The following ELMO2 variants were observed in gnomAD, a reference collection of about 807,000 sequenced individuals.
ELMO2 encodes the protein engulfment and cell motility protein 2.
Under a neutral mutation model 96.2 loss-of-function variants are expected in ELMO2, and 37 were observed. That is an observed-to-expected ratio of 0.38 (90% confidence interval 0.30 to 0.51). ELMO2 has a LOEUF of 0.51. Ranked by LOEUF, ELMO2 falls within the 20% of genes least tolerant of loss-of-function variation. The probability of loss-of-function intolerance (pLI) is 0.88; values close to 1 mark genes in which losing one functional copy is unlikely to be tolerated. For synonymous variants in ELMO2, 315 were observed against 329.4 expected, an observed-to-expected ratio of 0.96 and a Z score of 0.47; for missense variants, 561 against 912.6, an observed-to-expected ratio of 0.61 and a Z score of 4.96.
chr20:46,388,592 C>CGTGT lies in ELMO2; in HGVS notation c.425+443_425+446dup, dbSNP rs3079791. 3.8e-3 allele frequency among the ~76,000 whole-genome samples: 568 copies of CGTGT among 148,116 alleles called. 7 individuals carry two copies. In the East Asian group the frequency reaches 0.056, roughly 15 times the overall value. ...CACCTGTGGTAAACACAAAGGAAGGCGTGTGTGTGTGTGTGTGTGTGTGTG... is the reference window on the plus strand; with the variant it reads ...CACCTGTGGTAAACACAAAGGAAGGCGTGTGTGTGTGTGTGTGTGTGTGTGTGTG... On this transcript the variant is annotated intron_variant, in intron 7 of 21. Transcript: ENST00000290246.
chr20:46,389,022 A>C lies in ELMO2; in HGVS notation c.425+17T>G. On this transcript the variant is annotated intron_variant, in intron 7 of 21. Transcript: ENST00000290246. ...AAATCGTCGAAGTCCTTGGAACGAGACCTTAGTCATACTCACTGGGACAAG... is the reference window on the plus strand; with the variant it reads ...AAATCGTCGAAGTCCTTGGAACGAGCCCTTAGTCATACTCACTGGGACAAG... 6.2e-7 allele frequency: 1 copy of C among 1,607,984 alleles called. No individual in the cohort carries two copies.
At chr20:46,387,501 G>C (rs1468613169) in intron 7 of ELMO2, 64 bp from the exon 8 acceptor site, 1 of 1,332,280 alleles carries the variant, frequency 7.5e-7, no homozygotes, top group Non-Finnish European at 1.1e-6. Context: ...ACAGGTGTGA[G>C]GGCAGCCACA....
chr20:46,370,347 G>A, intron 20 of ELMO2, 96 bp downstream of exon 20: 1 of 1,058,222 alleles, frequency 9.4e-7, no homozygotes, highest in Non-Finnish European at 1.5e-6. Context: ...GGAATAGAGA[G>A]GGGAAGATGC....
Position 46,375,189 on chromosome 20 carries a change from C to T in ELMO2, c.1065+47G>A, listed in dbSNP as rs760472877. ...CTGTCTGGGTGGGACCATTGACTTC[C>T]CATCAGGGGAGAGGGCCTACCACCG... is the stretch of plus-strand genomic sequence containing the variant. On this transcript the variant is annotated intron_variant, in intron 13 of 21. Coordinates refer to ENST00000290246, the MANE Select transcript of ELMO2 (RefSeq NM_133171.5). This position sits in a 1 kb window ranked among gnomAD's most constrained non-coding sequence, Gnocchi z 4.6. 40 of 1,590,962 alleles carry T rather than the reference C, an allele frequency of 2.5e-5. No individual in the cohort carries two copies. Among genetic ancestry groups the T allele is most frequent in the Non-Finnish European group, 3.0e-5 (35 of 1,169,184 alleles).
At chr20:46,386,313 G>A in intron 8 of ELMO2, 38 bp from the exon 9 acceptor site, 1 of 1,606,368 alleles carries the variant, frequency 6.2e-7, no homozygotes, top group South Asian at 1.1e-5. Flanking sequence ...AGAAGCTCAG[G>A]GCCCAAGAAA....
At chr20:46,381,914 G>A (rs2059963837) in intron 10 of ELMO2, among the ~76,000 whole-genome samples, 2 of 152,134 alleles carry the variant, frequency 1.3e-5, no homozygotes, top group Admixed American at 1.3e-4. Flanking sequence ...TCAAAGTTAC[G>A]AGCTGTTTCT....
rs1389918384 is a variant in ELMO2, at chr20:46,370,433, C to A, written c.1884+10G>T. 1 of 1,614,038 alleles carries A rather than the reference C, an allele frequency of 6.2e-7. No homozygotes were observed. ...CTGGGCCAGCTACTCAAACTGGCCT[C>A]TCTACTCACCTTGTTCTGTTTCAGA... On this transcript the variant is annotated intron_variant, in intron 20 of 21. Coordinates refer to ENST00000290246, the MANE Select transcript of ELMO2 (RefSeq NM_133171.5).
At chr20:46,398,537 T>G (rs2060285149) in intron 2 of ELMO2, among the ~76,000 whole-genome samples, 160 bp downstream of exon 2, 1 of 152,206 alleles carries the variant, frequency 6.6e-6, no homozygotes, top group Non-Finnish European at 1.5e-5. Context: ...GGTCTTGAAC[T>G]CCTGACCTCA....
At chr20:46,378,257 T>C (rs780268344) in intron 11 of ELMO2, among the ~76,000 whole-genome samples, 1 of 152,212 alleles carries the variant, frequency 6.6e-6, no homozygotes, top group Non-Finnish European at 1.5e-5. Flanking sequence ...GTTCTCTGGC[T>C]TGACTCAGTG....
intron 19 of ELMO2, among the ~76,000 whole-genome samples, chr20:46,370,971 T>G (rs2059690717): frequency 6.6e-6 from 1 of 152,224 alleles, no homozygotes; most frequent in African/African-American, 2.4e-5. Flanking sequence ...AGTGTGGCTA[T>G]TATTCCCACT....
chr20:46,398,261 T>G (rs1321411922), intron 2 of ELMO2, among the ~76,000 whole-genome samples: 3 of 152,210 alleles, frequency 2.0e-5, no homozygotes, highest in Non-Finnish European at 4.4e-5. Context: ...GGTAACTTCA[T>G]AGTAATCATA....
chr20:46,405,867 G>A (rs2060428737), intron 1 of ELMO2, among the ~76,000 whole-genome samples: 1 of 152,160 alleles, frequency 6.6e-6, no homozygotes, highest in African/African-American at 2.4e-5. Flanking sequence ...CTGGGCGGCA[G>A]AGCGAGACTC....
Position 46,371,891 on chromosome 20 carries a change from A to G in ELMO2, c.1495T>C (p.Leu499=), listed in dbSNP as rs1197124883. Residue 499 remains leucine (L), a synonymous_variant, in exon 17 of 22, where the codon TTG becomes CTG. Coordinates refer to ENST00000290246, the MANE Select transcript of ELMO2 (RefSeq NM_133171.5). This position sits in a 1 kb window ranked among gnomAD's most constrained non-coding sequence, Gnocchi z 5.9. ...ATCTCAGAGTAACTCAGGCTACGCA[A>G]TTTGCTCTTGAACTGATCCAAAGAG... ...PNSLDQFKSK[L]RSLSYSEILR... is the part of the protein sequence containing the mutation. 4 of 1,614,062 alleles carry G rather than the reference A, an allele frequency of 2.5e-6. No homozygotes were observed. Among genetic ancestry groups the G allele is most frequent in the Non-Finnish European group, 3.4e-6 (4 of 1,180,042 alleles).
At chr20:46,396,184 A>G (rs777681781) in intron 2 of ELMO2, among the ~76,000 whole-genome samples, 1 of 152,214 alleles carries the variant, frequency 6.6e-6, no homozygotes, top group Non-Finnish European at 1.5e-5. Flanking sequence ...AACTGGCCCT[A>G]TCTGCATAAT....
At chr20:46,372,606 G>A (rs991515864) in intron 16 of ELMO2, among the ~76,000 whole-genome samples, 1 of 152,192 alleles carries the variant, frequency 6.6e-6, no homozygotes, top group Non-Finnish European at 1.5e-5. Context: ...ACTCCAGCCT[G>A]GGTGACAAGA....
intron 8 of ELMO2, 81 bp from the exon 9 acceptor site, chr20:46,386,356 A>G: frequency 6.4e-7 from 1 of 1,557,976 alleles, no homozygotes; most frequent in African/African-American, 1.4e-5. Flanking sequence ...CTAGCCCTTG[A>G]AGCTCTCTCT....
intron 21 of ELMO2, 101 bp downstream of exon 21, chr20:46,368,790 G>T: frequency 7.9e-7 from 1 of 1,259,302 alleles, no homozygotes. Flanking sequence ...ATACACTGCA[G>T]CCACCCACCA....
chr20:46,391,601 G>C (rs2060151523), intron 6 of ELMO2, among the ~76,000 whole-genome samples: 1 of 152,036 alleles, frequency 6.6e-6, no homozygotes, highest in Non-Finnish European at 1.5e-5. Context: ...TTCTTCATGG[G>C]CCTAGCAGTC....
Position 46,367,466 on chromosome 20 carries a change from T to A in ELMO2, c.2057A>T (p.Glu686Val). The A allele has an allele frequency of 6.2e-7, 1 of 1,613,740 alleles. No individual in the cohort carries two copies. Among genetic ancestry groups the A allele is most frequent in the Non-Finnish European group, 8.5e-7 (1 of 1,179,904 alleles). The change falls in exon 22 of 22, where the codon GAG becomes GTG. Residue 686 changes from glutamate (E) to valine (V), a missense_variant. Physicochemically the swap from Glu to Val is moderately radical, Grantham distance 121. Transcript: ENST00000290246. ...CAGGTCCAGGAGCCGCAGCTTCATC[T>A]CCATGCTCAGCAGGGTGTCCAGGTC... ...KSDLDTLLSM[E>V]MKLRLLDLEN... is the part of the protein sequence containing the mutation.
Sources: allele counts gnomAD v4.1 joint callset (sites outside exome capture counted in the v4.1 genomes callset), GRCh38; gene constraint gnomAD v4.1.1; non-coding constraint Gnocchi (gnomAD v3.1); transcripts MANE v1.5; gene names NCBI Gene and HGNC (gene_info 2026-07-23, HGNC 2026-07-21).